The following CLIC5 variants were observed in gnomAD, a reference collection of about 807,000 sequenced individuals.
CLIC5 encodes CLIC family member 5, also known as chloride intracellular channel protein 5.
In CLIC5, 20 loss-of-function variants were observed where a neutral mutation model predicts 24.7. The ratio of observed to expected loss-of-function variants is 0.81; its 90% CI spans 0.57 to 1.18. The LOEUF (loss-of-function observed/expected upper bound fraction) is 1.18, where lower values mean the gene tolerates loss of function less well. CLIC5 is among the 50% of genes most tolerant of loss of function. The pLI is 0.00. For missense variants in CLIC5, 341 were observed against 326.1 expected, an observed-to-expected ratio of 1.05 and a Z score of -0.35; for synonymous variants, 159 against 135.6, an observed-to-expected ratio of 1.17 and a Z score of -1.20.
chr6:45,992,891 T>G (rs1476223170), intron 1 of CLIC5, among the ~76,000 whole-genome samples: 1 of 152,154 alleles, frequency 6.6e-6, no homozygotes, highest in Non-Finnish European at 1.5e-5. Context: ...CCCCCTGCCT[T>G]GAGAATACAT....
intron 1 of CLIC5, among the ~76,000 whole-genome samples, chr6:46,057,049 C>A (rs1408444328): frequency 6.6e-6 from 1 of 152,226 alleles, no homozygotes; most frequent in Non-Finnish European, 1.5e-5. Flanking sequence ...ATCCTCATTG[C>A]ATTTTCTTAC....
chr6:45,922,823 A>AAGAGAGAGAGAGAGAGAGAGAGAG (rs547902327), intron 4 of CLIC5, among the ~76,000 whole-genome samples: 32 of 140,694 alleles, frequency 2.3e-4, no homozygotes, highest in African/African-American at 3.8e-4. Context: ...GAGAGAGAGA[A>AAGAGAGAGAGAGAGAGAGAGAGAG]AGAGAGAGAG....
At chr6:46,128,145 G>C in the CLIC5 span, among the ~76,000 whole-genome samples, 2 of 152,122 alleles carry the variant, frequency 1.3e-5, no homozygotes, top group Admixed American at 1.3e-4. Context: ...AAAGTTTAGG[G>C]CCAAAGGTCC....
chr6:45,889,618 G>A (rs2127282821), intron 6 of CLIC5, among the ~76,000 whole-genome samples: 1 of 152,292 alleles, frequency 6.6e-6, no homozygotes, highest in South Asian at 2.1e-4. Flanking sequence ...AATTTAGATA[G>A]GGTGAAGGAA....
chr6:46,055,894 A>G (rs568062916), intron 1 of CLIC5, among the ~76,000 whole-genome samples: 60 of 152,290 alleles, frequency 3.9e-4, no homozygotes, highest in Non-Finnish European at 7.6e-4. Flanking sequence ...AAACACAGAG[A>G]CAGAAAGTAA....
rs112243105 is a variant in CLIC5 at position 45,909,135 on chromosome 6, G to T, written c.588+5093C>A. Among the ~76,000 whole-genome samples, 362 of 151,236 alleles carry T rather than the reference G, an allele frequency of 2.4e-3. 1 individual carries two copies. The highest frequency in any genetic ancestry group is 6.8e-3 in the Middle Eastern group (2 of 292). On this transcript the variant is annotated intron_variant, in intron 5 of 5. Coordinates refer to ENST00000339561, the MANE Select transcript of CLIC5 (RefSeq NM_016929.5). Reference sequence around the variant, plus strand: ...TTTTTTATGTTCCATTTGTGTAATAGATCTTTCTTCAGCCCTTTACTTTGA... The same window carrying T: ...TTTTTTATGTTCCATTTGTGTAATATATCTTTCTTCAGCCCTTTACTTTGA...
At chr6:45,927,133 AAGGTAG>A (rs1561939026) in intron 4 of CLIC5, among the ~76,000 whole-genome samples, 2 of 151,886 alleles carry the variant, frequency 1.3e-5, no homozygotes, top group African/African-American at 2.4e-5. Context: ...AGGCATAGAC[AAGGTAG>A]AGGTGTGTTG....
At chr6:45,905,194 C>T (rs988622863) in intron 5 of CLIC5, among the ~76,000 whole-genome samples, 1 of 152,196 alleles carries the variant, frequency 6.6e-6, no homozygotes, top group African/African-American at 2.4e-5. Flanking sequence ...TATATGAATG[C>T]ATATGAAATT....
At chr6:45,980,201 G>A (rs1223606678) in intron 1 of CLIC5, among the ~76,000 whole-genome samples, 3 of 151,924 alleles carry the variant, frequency 2.0e-5, no homozygotes, top group Non-Finnish European at 4.4e-5. Flanking sequence ...CTGAAGATCT[G>A]GCCTTAGGCA....
chr6:45,929,910 A>G (rs1034157684), intron 4 of CLIC5, among the ~76,000 whole-genome samples: 3 of 152,200 alleles, frequency 2.0e-5, no homozygotes, highest in African/African-American at 7.2e-5. Context: ...GGCAGAGCAC[A>G]AGGCAGAATG....
chr6:46,055,185 C>G (rs1768212161), intron 1 of CLIC5, among the ~76,000 whole-genome samples: 1 of 152,220 alleles, frequency 6.6e-6, no homozygotes. Flanking sequence ...TCACTGAAAC[C>G]TCCGCCTTCC....
intron 1 of CLIC5, among the ~76,000 whole-genome samples, chr6:46,045,718 C>G (rs932133342): frequency 6.6e-6 from 1 of 151,984 alleles, no homozygotes; most frequent in Non-Finnish European, 1.5e-5. Flanking sequence ...AACAACTATA[C>G]CTACTTTTTA....
At chr6:46,076,861 G>C (rs901255421) in intron 1 of CLIC5, among the ~76,000 whole-genome samples, 2 of 152,150 alleles carry the variant, frequency 1.3e-5, no homozygotes, top group Admixed American at 1.3e-4. Context: ...GACATGGCTG[G>C]GCGCGGTGGC....
chr6:45,998,757 A>T (rs1766242473), intron 1 of CLIC5, among the ~76,000 whole-genome samples: 1 of 152,154 alleles, frequency 6.6e-6, no homozygotes, highest in Non-Finnish European at 1.5e-5. Flanking sequence ...ATTTACAGCA[A>T]AGGCCAAGCC....
the CLIC5 span, among the ~76,000 whole-genome samples, chr6:46,113,017 C>T: frequency 1.3e-5 from 2 of 152,146 alleles, no homozygotes; most frequent in African/African-American, 2.4e-5. Context: ...GATGATGCCA[C>T]TGCATTCCAG....
intron 1 of CLIC5, among the ~76,000 whole-genome samples, chr6:46,055,624 T>C (rs755389962): frequency 6.6e-6 from 1 of 152,248 alleles, no homozygotes; most frequent in Non-Finnish European, 1.5e-5. Flanking sequence ...TGAAGACCTG[T>C]GAAGGCAAGA....
intron 1 of CLIC5, among the ~76,000 whole-genome samples, chr6:46,009,482 A>G (rs1581857764): frequency 6.6e-6 from 1 of 152,122 alleles, no homozygotes; most frequent in East Asian, 1.9e-4. Context: ...CCTTTACAGA[A>G]CTACATCTTA....
intron 1 of CLIC5, among the ~76,000 whole-genome samples, chr6:45,964,314 G>A (rs1403442564): frequency 2.0e-5 from 3 of 152,186 alleles, no homozygotes; most frequent in African/African-American, 7.2e-5. Flanking sequence ...CAGAAAAAAT[G>A]TCTGCAGCAC....
intron 1 of CLIC5, among the ~76,000 whole-genome samples, chr6:45,970,679 A>G (rs574013413): frequency 6.6e-5 from 10 of 152,288 alleles, no homozygotes; most frequent in African/African-American, 2.4e-4. Context: ...TTCTCTCACA[A>G]GTTCCTTTGC....
Sources: gnomAD v4.1 joint callset for allele counts (sites outside exome capture counted in the v4.1 genomes callset) on GRCh38, gnomAD v4.1.1 for gene constraint, MANE v1.5 for transcripts, NCBI Gene and HGNC (gene_info 2026-07-23, HGNC 2026-07-21) for gene names.